The following UBE2W variants were observed in gnomAD, a reference collection of about 807,000 sequenced individuals.
UBE2W encodes ubiquitin-conjugating enzyme E2 W.
UBE2W carries 18 observed loss-of-function variants against 27.2 expected under a neutral mutation model. That is an observed-to-expected ratio of 0.66 (90% CI 0.46 to 0.98). The LOEUF is 0.98. Ranked by LOEUF, UBE2W falls within the 50% of genes least tolerant of loss-of-function variation. The pLI is 0.00. For missense variants in UBE2W, 90 were observed against 180.2 expected (o/e 0.50, Z 2.87); for synonymous variants, 53 against 57.2 (o/e 0.93, Z 0.33).
chr8:73,850,202 A>T (rs1811012774), intron 1 of UBE2W, among the ~76,000 whole-genome samples: 1 of 152,248 alleles, frequency 6.6e-6, no homozygotes, highest in Non-Finnish European at 1.5e-5. Flanking sequence ...TTAGCTAAGG[A>T]AATATAATAG....
At chr8:73,794,946 ATTAT>A (rs1808351806) in intron 5 of UBE2W, among the ~76,000 whole-genome samples, 2 of 152,078 alleles carry the variant, frequency 1.3e-5, no homozygotes, top group South Asian at 2.1e-4. Context: ...AACTCATGAA[ATTAT>A]TTAATAATAA....
At chr8:73,828,977 A>T (rs1018123212) in intron 2 of UBE2W, among the ~76,000 whole-genome samples, 1 of 152,142 alleles carries the variant, frequency 6.6e-6, no homozygotes, top group African/African-American at 2.4e-5. Flanking sequence ...CTGATTCTTT[A>T]TAAGACTATT....
At chr8:73,863,283 A>G (rs1212710104) in intron 1 of UBE2W, among the ~76,000 whole-genome samples, 1 of 144,654 alleles carries the variant, frequency 6.9e-6, no homozygotes, top group Non-Finnish European at 1.5e-5. Context: ...TTGTAGGGAC[A>G]TGGATGAAAT....
chr8:73,783,842 A>T (rs1433861727), downstream of UBE2W, among the ~76,000 whole-genome samples: 2 of 152,154 alleles, frequency 1.3e-5, no homozygotes, highest in African/African-American at 4.8e-5. Flanking sequence ...GGCTCACTGC[A>T]ACCTCCGTCT....
chr8:73,821,417 G>A (rs1282395286), intron 3 of UBE2W, among the ~76,000 whole-genome samples: 1 of 151,874 alleles, frequency 6.6e-6, no homozygotes, highest in Admixed American at 6.6e-5. Flanking sequence ...GGACTTGAAT[G>A]CCAGGCTAAA....
chr8:73,854,812 C>A (rs1811219447), intron 1 of UBE2W, among the ~76,000 whole-genome samples: 1 of 152,178 alleles, frequency 6.6e-6, no homozygotes, highest in Non-Finnish European at 1.5e-5. Context: ...AACCTGTTGA[C>A]CAGAAGCCTT....
chr8:73,856,357 A>ATTTTTTTTTTTTTT (rs34593904), intron 1 of UBE2W, among the ~76,000 whole-genome samples: 1 of 89,344 alleles, frequency 1.1e-5, no homozygotes, highest in South Asian at 4.3e-4. Context: ...ACACTTATGA[A>ATTTTTTTTTTTTTT]TTTTTTTTTT....
rs374344497 is a variant in UBE2W at position 73,866,588 on chromosome 8, A to G, written c.15+12220T>C. On this transcript the variant is annotated intron_variant, in intron 1 of 5. Coordinates refer to ENST00000602593, the MANE Select transcript of UBE2W (RefSeq NM_018299.6). ...AGACCCAAATGTAAAAGCCAGAATT[A>G]TTATATTTTTGGAAAAAAACTTAGA... is the stretch of plus-strand genomic sequence containing the variant. Among the ~76,000 whole-genome samples the G allele has an allele frequency of 7.9e-5, 12 of 152,132 alleles. No individual in the cohort carries two copies. In the East Asian group the frequency reaches 2.1e-3, roughly 27 times the overall value.
In UBE2W at chr8:73,790,454, G is replaced by C; in HGVS notation, c.*3648C>G. 7 of 985,166 alleles carry C rather than the reference G, an allele frequency of 7.1e-6. No homozygotes were observed. Among genetic ancestry groups the C allele is most frequent in the Non-Finnish European group, 8.4e-6 (7 of 829,756 alleles). The allele number at this position is 985,166 out of a possible 1,614,324, so 61.0% of individuals were successfully genotyped here. A position where few individuals can be genotyped will look rare whatever the true frequency, so the allele number is the denominator to read the frequency against. On this transcript the variant is annotated 3_prime_UTR_variant, in exon 6 of 6. Transcript: ENST00000602593. ...ATTCTGATAATGAATCCTCAGAAAAGAAGAATATGGTTAAGCTTCAGTTCT... is the reference window on the plus strand; with the variant it reads ...ATTCTGATAATGAATCCTCAGAAAACAAGAATATGGTTAAGCTTCAGTTCT...
chr8:73,869,908 G>A (rs79166826), intron 1 of UBE2W, among the ~76,000 whole-genome samples: 8,650 of 152,034 alleles, frequency 0.057, 805 homozygotes, highest in African/African-American at 0.19. Flanking sequence ...GGCACAAAAG[G>A]TCATATATAA....
At position 73,791,936 on chromosome 8, in the gene UBE2W, T is replaced by C. The variant is rs753005561; in HGVS notation, c.*2166A>G. The C allele has an allele frequency of 3.4e-5, 33 of 985,024 alleles. No individual in the cohort carries two copies. The highest frequency in any genetic ancestry group is 4.0e-5 in the Non-Finnish European group (33 of 829,670). 61.0% of individuals were successfully genotyped at this position (985,024 alleles called of 1,614,324 possible). A position where few individuals can be genotyped will look rare whatever the true frequency, so the allele number is the denominator to read the frequency against. On this transcript the variant is annotated 3_prime_UTR_variant, in exon 6 of 6. Coordinates refer to ENST00000602593, the MANE Select transcript of UBE2W (RefSeq NM_018299.6). Reference sequence around the variant, plus strand: ...AGGCTATATATGACCTATTACTCTATAGTATAGCATTGTTAATCTTTGACT... The same window carrying C: ...AGGCTATATATGACCTATTACTCTACAGTATAGCATTGTTAATCTTTGACT...
At position 73,844,409 on chromosome 8, in the gene UBE2W, G is replaced by A. The variant is rs1470370668; in HGVS notation, c.16-13937C>T. Among the ~76,000 whole-genome samples, 6 of 152,282 alleles carry A rather than the reference G, an allele frequency of 3.9e-5. No homozygotes were observed. In the East Asian group the frequency reaches 7.7e-4, roughly 20 times the overall value. ...AGTGATCTGCCAGCCTCGGCCTCCCGAGGTGCCGGGATTGCAGACAGAGTC... is the reference window on the plus strand; with the variant it reads ...AGTGATCTGCCAGCCTCGGCCTCCCAAGGTGCCGGGATTGCAGACAGAGTC... On this transcript the variant is annotated intron_variant, in intron 1 of 5. Coordinates refer to ENST00000602593, the MANE Select transcript of UBE2W (RefSeq NM_018299.6).
intron 2 of UBE2W, among the ~76,000 whole-genome samples, chr8:73,829,758 A>C (rs1347490424): frequency 1.3e-5 from 2 of 152,100 alleles, no homozygotes; most frequent in African/African-American, 4.8e-5. Flanking sequence ...GACTACACTA[A>C]ATATTTGAAT....
downstream of UBE2W, among the ~76,000 whole-genome samples, chr8:73,781,291 T>G (rs977823231): frequency 1.8e-4 from 26 of 143,488 alleles, 1 homozygote; most frequent in Non-Finnish European, 3.8e-4. Flanking sequence ...AAAAAAAAAG[T>G]ATTAAATTCC....
At chr8:73,860,242 A>G (rs1811485246) in intron 1 of UBE2W, among the ~76,000 whole-genome samples, 1 of 152,202 alleles carries the variant, frequency 6.6e-6, no homozygotes, top group Admixed American at 6.5e-5. Flanking sequence ...TGTATCATTA[A>G]CAGGAAGCTT....
At chr8:73,797,893 A>T (rs961737322) in intron 5 of UBE2W, among the ~76,000 whole-genome samples, 1 of 152,200 alleles carries the variant, frequency 6.6e-6, no homozygotes, top group Non-Finnish European at 1.5e-5. Flanking sequence ...CCAAAATCTG[A>T]AACTTTTTAA....
In UBE2W at chr8:73,789,746, G is replaced by A. The variant is rs1247330495; in HGVS notation, c.*4356C>T. The A allele has an allele frequency of 7.7e-6, 2 of 259,444 alleles. No homozygotes were observed. Among genetic ancestry groups the A allele is most frequent in the African/African-American group, 4.6e-5 (2 of 43,310 alleles). 16.1% of individuals were successfully genotyped at this position (259,444 alleles called of 1,614,324 possible). A position where few individuals can be genotyped will look rare whatever the true frequency, so the allele number is the denominator to read the frequency against. On this transcript the variant is annotated 3_prime_UTR_variant, in exon 6 of 6. Transcript: ENST00000602593. Reference sequence around the variant, plus strand: ...CCAGCTACTCAAGAGGCTGAGGCAGGAGAATCGCTTAGACCCAGGAGGTGG... The same window carrying A: ...CCAGCTACTCAAGAGGCTGAGGCAGAAGAATCGCTTAGACCCAGGAGGTGG...
intron 1 of UBE2W, among the ~76,000 whole-genome samples, chr8:73,850,665 A>G (rs1811033391): frequency 1.3e-5 from 2 of 151,156 alleles, no homozygotes; most frequent in African/African-American, 2.4e-5. Context: ...TTACAAACAT[A>G]AAATCCAAGA....
intron 3 of UBE2W, among the ~76,000 whole-genome samples, chr8:73,816,989 G>A (rs1466300451): frequency 2.0e-5 from 3 of 146,496 alleles, no homozygotes; most frequent in African/African-American, 7.6e-5. Flanking sequence ...AGCCAAGATT[G>A]CGCCACTTCA....
Sources: allele counts gnomAD v4.1 joint callset (sites outside exome capture counted in the v4.1 genomes callset), GRCh38; gene constraint gnomAD v4.1.1; transcripts MANE v1.5; gene names NCBI Gene and HGNC (gene_info 2026-07-23, HGNC 2026-07-21).